Variants in NEBL observed in about 807,000 individuals in gnomAD.
The protein encoded by NEBL is LIM and SH3 protein 2.
In NEBL, 122 loss-of-function variants were observed where a neutral mutation model predicts 140.2. The ratio of observed to expected loss-of-function variants is 0.87; its 90% CI spans 0.75 to 1.01. NEBL has a LOEUF of 1.01. NEBL is among the 50% of genes least tolerant of loss of function. The pLI, the probability that NEBL is intolerant of heterozygous loss-of-function variation, is 0.00. For synonymous variants in NEBL, 436 were observed against 398.9 expected, an observed-to-expected ratio of 1.09 and a Z score of -1.11; for missense variants, 1,365 against 1,231.3, an observed-to-expected ratio of 1.11 and a Z score of -1.62.
rs1006567390 is a variant in NEBL, at chr10:20,798,240, C to T, written c.2761+10270G>A. On this transcript the variant is annotated intron_variant, in intron 26 of 27. Coordinates refer to ENST00000377122, the MANE Select transcript of NEBL (RefSeq NM_006393.3). ...AAGAGCCAGGGCCACAGATAACGGG[C>T]AAGCAAAATGCAGAAAATTCATACA... is the stretch of plus-strand genomic sequence containing the variant. Among the ~76,000 whole-genome samples the T allele has an allele frequency of 7.2e-5, 11 of 152,098 alleles. No individual in the cohort carries two copies. The East Asian group carries it at 2.1e-3, about 29-fold the overall frequency.
chr10:21,073,007 A>G (rs956443208), intron 2 of NEBL, among the ~76,000 whole-genome samples: 3 of 151,672 alleles, frequency 2.0e-5, no homozygotes, highest in Non-Finnish European at 4.4e-5. Flanking sequence ...AGAAAAAGGG[A>G]GAGAGAGAGA....
intron 4 of NEBL, among the ~76,000 whole-genome samples, chr10:20,912,954 G>T (rs184784074): frequency 4.0e-5 from 6 of 149,970 alleles, no homozygotes; most frequent in East Asian, 3.9e-4. Flanking sequence ...TAGACACAGG[G>T]TCTCACTATG....
At chr10:20,813,505 T>C (rs1244525718) in intron 23 of NEBL, among the ~76,000 whole-genome samples, 3 of 152,162 alleles carry the variant, frequency 2.0e-5, no homozygotes, top group African/African-American at 7.2e-5. Flanking sequence ...ACCATTGAAT[T>C]GAACACTTTA....
chr10:20,873,429 C>T (rs752841866), intron 5 of NEBL, among the ~76,000 whole-genome samples: 10 of 151,932 alleles, frequency 6.6e-5, no homozygotes, highest in Non-Finnish European at 1.3e-4. Context: ...GTCTTGTTCC[C>T]TACTCTGTCC....
At chr10:21,270,995 A>G (rs1842854155) in intron 1 of NEBL, among the ~76,000 whole-genome samples, 1 of 152,220 alleles carries the variant, frequency 6.6e-6, no homozygotes, top group Non-Finnish European at 1.5e-5. Flanking sequence ...TAGAATTACC[A>G]TATCATCCAG....
At chr10:20,952,877 C>G (rs1252102655) in intron 4 of NEBL, among the ~76,000 whole-genome samples, 1 of 128,676 alleles carries the variant, frequency 7.8e-6, no homozygotes, top group Non-Finnish European at 1.6e-5. Context: ...TGTACTCCAG[C>G]CTGGGTGACA....
At chr10:21,193,169 CAGGG>C (rs1341445384) in intron 3 of NEBL, among the ~76,000 whole-genome samples, 1 of 152,004 alleles carries the variant, frequency 6.6e-6, no homozygotes, top group African/African-American at 2.4e-5. Flanking sequence ...GGAAGGCTGA[CAGGG>C]AGGAAGAATG....
At chr10:21,239,482 T>C (rs1346577001) in intron 3 of NEBL, among the ~76,000 whole-genome samples, 1 of 152,018 alleles carries the variant, frequency 6.6e-6, no homozygotes, top group African/African-American at 2.4e-5. Flanking sequence ...GCCTTAGTCT[T>C]TTCCAGTCCT....
Position 20,878,081 on chromosome 10 carries a change from T to A in NEBL, c.480+2713A>T, listed in dbSNP as rs117076342. The stretch of plus-strand genomic sequence containing the variant: ...AATACTTATTTTTACTGTTTGGAGA[T>A]CATTTAATTTTGGGGTGGCGCAAAA... On this transcript the variant is annotated intron_variant, in intron 5 of 27. Coordinates refer to ENST00000377122, the MANE Select transcript of NEBL (RefSeq NM_006393.3). Among the ~76,000 whole-genome samples, 16 of 152,290 alleles carry A rather than the reference T, an allele frequency of 1.1e-4. No homozygotes were observed. The East Asian group carries it at 3.1e-3, about 29-fold the overall frequency.
At chr10:21,041,921 T>C (rs1327175706) in intron 2 of NEBL, among the ~76,000 whole-genome samples, 1 of 152,210 alleles carries the variant, frequency 6.6e-6, no homozygotes, top group Non-Finnish European at 1.5e-5. Context: ...GAGTGTCTTT[T>C]AGCATTCTAA....
intron 2 of NEBL, among the ~76,000 whole-genome samples, chr10:21,137,062 T>A (rs1257078461): frequency 6.6e-6 from 1 of 152,208 alleles, no homozygotes; most frequent in Non-Finnish European, 1.5e-5. Flanking sequence ...AAATTCCTTA[T>A]GCCATTTGTC....
rs375213792 is a variant in NEBL, at chr10:21,088,002, A to G, written c.165-67801T>C. Among the ~76,000 whole-genome samples, 4 of 152,234 alleles carry G rather than the reference A, an allele frequency of 2.6e-5. No individual in the cohort carries two copies. In the East Asian group the frequency reaches 7.7e-4, roughly 29 times the overall value. On this transcript the variant is annotated intron_variant, in intron 2 of 6. Coordinates refer to the NEBL transcript ENST00000417816. ...ATGGAGATATTATGTATCAGTCAGAACAGGCTTGATTATGCTGTACAAACA... is the reference window on the plus strand; with the variant it reads ...ATGGAGATATTATGTATCAGTCAGAGCAGGCTTGATTATGCTGTACAAACA...
chr10:20,857,258 C>T (rs888798838), intron 9 of NEBL, among the ~76,000 whole-genome samples: 2 of 152,134 alleles, frequency 1.3e-5, no homozygotes, highest in African/African-American at 4.8e-5. Flanking sequence ...AACACTGAAG[C>T]CAAGTATAGA....
intron 6 of NEBL, among the ~76,000 whole-genome samples, chr10:20,869,043 T>G (rs1844638379): frequency 6.6e-6 from 1 of 152,152 alleles, no homozygotes. Flanking sequence ...TAAAACAAAA[T>G]ATTAGGGAAA....
chr10:20,969,600 C>A (rs575921656), intron 3 of NEBL, among the ~76,000 whole-genome samples: 1 of 137,384 alleles, frequency 7.3e-6, no homozygotes, highest in East Asian at 2.1e-4. Context: ...GGTTGGAGTG[C>A]AGTGGCACAA....
At chr10:21,266,657 T>A (rs1029622587) in intron 1 of NEBL, among the ~76,000 whole-genome samples, 1 of 152,222 alleles carries the variant, frequency 6.6e-6, no homozygotes, top group Non-Finnish European at 1.5e-5. Flanking sequence ...CTGGGGGGAC[T>A]CTTTTCAGAT....
At chr10:21,180,356 T>C (rs1284942570) in intron 3 of NEBL, among the ~76,000 whole-genome samples, 1 of 152,098 alleles carries the variant, frequency 6.6e-6, no homozygotes, top group Non-Finnish European at 1.5e-5. Flanking sequence ...AAATAATCAG[T>C]TGGAAAGGGA....
At chr10:20,812,658 C>A in intron 24 of NEBL, 111 bp downstream of exon 24, 4 of 1,363,844 alleles carry the variant, frequency 2.9e-6, no homozygotes, top group Non-Finnish European at 4.1e-6. Context: ...AATTGGGTAC[C>A]ACAACCAACA....
intron 22 of NEBL, among the ~76,000 whole-genome samples, chr10:20,814,609 T>TACACAC (rs1265684219): frequency 5.1e-5 from 5 of 98,314 alleles, no homozygotes; most frequent in African/African-American, 1.4e-4. Flanking sequence ...AACACACACA[T>TACACAC]ACACACATAC....
Sources: gnomAD v4.1 joint callset for allele counts (sites outside exome capture counted in the v4.1 genomes callset) on GRCh38, gnomAD v4.1.1 for gene constraint, MANE v1.5 for transcripts, NCBI Gene and HGNC (gene_info 2026-07-23, HGNC 2026-07-21) for gene names.